SYNE1: variants seen among roughly 807,000 people sequenced by gnomAD.
SYNE1 encodes the protein nesprin-1.
Under a neutral mutation model 1,111.0 loss-of-function variants are expected in SYNE1, and 616 were observed. The ratio of observed to expected loss-of-function variants is 0.55; its 90% confidence interval spans 0.52 to 0.59. The LOEUF (loss-of-function observed/expected upper bound fraction) is 0.59. Ranked by LOEUF, SYNE1 falls within the 20% of genes least tolerant of loss-of-function variation. The pLI, the probability that SYNE1 is intolerant of heterozygous loss-of-function variation, is 0.00. For synonymous variants in SYNE1, 3,855 were observed against 3,825.8 expected (o/e 1.01, Z -0.28); for missense variants, 10,006 against 10,417.0 (o/e 0.96, Z 1.72).
chr6:152,405,816 T>A (rs1044685341), intron 45 of SYNE1, among the ~76,000 whole-genome samples: 33 of 152,300 alleles, frequency 2.2e-4, no homozygotes, highest in African/African-American at 6.5e-4. Context: ...CCTCAGAGAT[T>A]GGAATTAGAT....
intron 48 of SYNE1, 29 bp downstream of exon 48, chr6:152,399,587 T>C: frequency 6.2e-7 from 1 of 1,612,532 alleles, no homozygotes; most frequent in Non-Finnish European, 8.5e-7. Flanking sequence ...GGAAACAAAC[T>C]ACTCATGCTA....
chr6:152,423,376 C>G (rs968345975), intron 39 of SYNE1, among the ~76,000 whole-genome samples: 2 of 152,236 alleles, frequency 1.3e-5, no homozygotes, highest in African/African-American at 4.8e-5. Context: ...TAATCTGCCT[C>G]ATGTCAGTGA....
intron 127 of SYNE1, among the ~76,000 whole-genome samples, chr6:152,194,061 A>T (rs1204139293): frequency 2.6e-5 from 4 of 151,848 alleles, no homozygotes; most frequent in Non-Finnish European, 4.4e-5. Flanking sequence ...CAATGTTATA[A>T]TATTCTATGT....
chr6:152,509,834 T>A (rs1047307225), intron 8 of SYNE1, among the ~76,000 whole-genome samples: 4 of 152,284 alleles, frequency 2.6e-5, no homozygotes, highest in Non-Finnish European at 2.9e-5. Flanking sequence ...CATGAAGAGA[T>A]AACCGAGTTT....
chr6:152,478,244 T>A (rs897064764), intron 14 of SYNE1, among the ~76,000 whole-genome samples: 2 of 151,946 alleles, frequency 1.3e-5, no homozygotes, highest in African/African-American at 4.8e-5. Context: ...AGAAGAGAAT[T>A]TAGAAAGAAG....
intron 72 of SYNE1, among the ~76,000 whole-genome samples, chr6:152,347,568 G>A (rs2096659322): frequency 6.6e-6 from 1 of 151,866 alleles, no homozygotes; most frequent in African/African-American, 2.4e-5. Context: ...AGGTTAATAA[G>A]TTATAATTCT....
rs2097590162 is a variant in SYNE1 at position 152,390,360 on chromosome 6, A to C, written c.8097T>G (p.Gly2699=). 6.2e-7 allele frequency: 1 copy of C among 1,613,982 alleles called. No individual in the cohort carries two copies. The highest frequency in any genetic ancestry group is 8.5e-7 in the Non-Finnish European group (1 of 1,180,032). Residue 2699 remains glycine (G), a synonymous_variant, in exon 53 of 146, where the codon GGT becomes GGG. Transcript: ENST00000367255. ...EQALRSSNKE[G]QRVIQTQLET... is the part of the protein sequence containing the mutation. Reference sequence around the variant, plus strand: ...CTAACTGAGTCTGAATCACCCTCTGACCTTCTTTGTTGCTACTTCTCAAGG... The same window carrying C: ...CTAACTGAGTCTGAATCACCCTCTGCCCTTCTTTGTTGCTACTTCTCAAGG...
chr6:152,375,704 A>G (rs1359354733), intron 58 of SYNE1, among the ~76,000 whole-genome samples: 1 of 152,260 alleles, frequency 6.6e-6, no homozygotes, highest in Non-Finnish European at 1.5e-5. Context: ...GTACACTGAC[A>G]GTAACAAATT....
At chr6:152,153,982 G>C (rs992777937) in intron 133 of SYNE1, among the ~76,000 whole-genome samples, 1 of 152,158 alleles carries the variant, frequency 6.6e-6, no homozygotes, top group African/African-American at 2.4e-5. Context: ...AATGAATGCA[G>C]CTACATTTCA....
At chr6:152,284,206 T>C (rs756848256) in intron 95 of SYNE1, 34 bp from the exon 96 acceptor site, 18 of 1,608,408 alleles carry the variant, frequency 1.1e-5, no homozygotes, top group African/African-American at 1.1e-4. Context: ...CACTCATGTA[T>C]TCATTTCTTC....
intron 104 of SYNE1, among the ~76,000 whole-genome samples, chr6:152,253,536 C>T (rs947711380): frequency 3.3e-5 from 5 of 152,202 alleles, no homozygotes; most frequent in Admixed American, 6.5e-5. Flanking sequence ...GTGACAAAGC[C>T]GGAATTTGAA....
intron 51 of SYNE1, among the ~76,000 whole-genome samples, chr6:152,395,097 C>CT (rs904284225): frequency 8.2e-5 from 10 of 121,578 alleles, no homozygotes; most frequent in Admixed American, 7.9e-5. Context: ...CTCTTTTTTT[C>CT]TTTTTTTTAT....
intron 21 of SYNE1, among the ~76,000 whole-genome samples, chr6:152,459,626 T>C (rs1223464348): frequency 6.6e-6 from 1 of 152,192 alleles, no homozygotes; most frequent in Non-Finnish European, 1.5e-5. Flanking sequence ...ACCTGCATTG[T>C]CTTAAAGATG....
intron 131 of SYNE1, among the ~76,000 whole-genome samples, chr6:152,157,576 C>T (rs1027928298): frequency 1.3e-5 from 2 of 152,138 alleles, no homozygotes; most frequent in African/African-American, 2.4e-5. Context: ...TTGAAACATT[C>T]CCAACACATA....
intron 98 of SYNE1, among the ~76,000 whole-genome samples, chr6:152,274,845 C>T (rs2093479120): frequency 6.6e-6 from 1 of 152,180 alleles, no homozygotes; most frequent in Non-Finnish European, 1.5e-5. Context: ...ATCCACCTGC[C>T]TCAGCCTCCC....
chr6:152,192,075 A>T lies in SYNE1; in HGVS notation c.23146-2668T>A, dbSNP rs190216115. Among the ~76,000 whole-genome samples the T allele has an allele frequency of 8.0e-3, 1,212 of 152,200 alleles. 15 individuals carry two copies. Among genetic ancestry groups the T allele is most frequent in the African/African-American group, 0.027 (1,138 of 41,526 alleles). ...GTTTCCAAAATTCTTTTTACTATTG[A>T]TTTCTAGTTTTATTCCATTATGATC... On this transcript the variant is annotated intron_variant, in intron 127 of 145. Transcript: ENST00000367255.
chr6:152,420,016 A>G (rs1592314473), intron 39 of SYNE1, among the ~76,000 whole-genome samples: 1 of 152,176 alleles, frequency 6.6e-6, no homozygotes, highest in East Asian at 1.9e-4. Flanking sequence ...TATGTTCCAA[A>G]ATTGAATGAA....
At chr6:152,276,034 T>C (rs1173111610) in intron 98 of SYNE1, among the ~76,000 whole-genome samples, 3 of 144,784 alleles carry the variant, frequency 2.1e-5, no homozygotes, top group African/African-American at 5.1e-5. Context: ...CGACTTCTTT[T>C]TTTTTTTTTT....
intron 98 of SYNE1, among the ~76,000 whole-genome samples, chr6:152,270,420 G>C (rs2032481122): frequency 6.6e-6 from 1 of 152,126 alleles, no homozygotes; most frequent in African/African-American, 2.4e-5. Context: ...ACCAGAAACT[G>C]GCCCATTGCT....
Sources: gnomAD v4.1 joint callset for allele counts (sites outside exome capture counted in the v4.1 genomes callset) on GRCh38, gnomAD v4.1.1 for gene constraint, MANE v1.5 for transcripts, NCBI Gene and HGNC (gene_info 2026-07-23, HGNC 2026-07-21) for gene names.